The following ZRSR2 variants were observed in gnomAD, a reference collection of about 807,000 sequenced individuals.
The protein encoded by ZRSR2 is zinc finger CCCH-type, RNA binding motif and serine/arginine rich 2.
In ZRSR2, 3 loss-of-function variants were observed where a neutral mutation model predicts 39.4. The observed-to-expected ratio is 0.08, with a 90% CI of 0.03 to 0.20. ZRSR2 has a LOEUF of 0.20. ZRSR2 is among the 10% of genes least tolerant of loss of function. The probability of loss-of-function intolerance (pLI) is 1.00; values close to 1 mark genes in which losing one functional copy is unlikely to be tolerated. For missense variants in ZRSR2, 256 were observed against 391.5 expected (o/e 0.65, Z 2.92); for synonymous variants, 137 against 136.0 (o/e 1.01, Z -0.05).
At chrX:15,798,956 G>A (rs1241488405) in intron 2 of ZRSR2, among the ~76,000 whole-genome samples, 1 of 111,508 alleles carries the variant, frequency 9.0e-6, no homozygotes, top group Non-Finnish European at 1.9e-5. Flanking sequence ...GGGAGGCCGA[G>A]GCAGGCGGAT....
At chrX:15,811,362 G>A (rs1235796347) in intron 7 of ZRSR2, among the ~76,000 whole-genome samples, 1 of 111,307 alleles carries the variant, frequency 9.0e-6, no homozygotes, top group Non-Finnish European at 1.9e-5. Flanking sequence ...CCCTCATGTA[G>A]GATCTATCTC....
At chrX:15,794,602 C>G (rs989224101) in intron 2 of ZRSR2, among the ~76,000 whole-genome samples, 2 of 111,603 alleles carry the variant, frequency 1.8e-5, no homozygotes, top group African/African-American at 6.5e-5. Flanking sequence ...TTCTCCTTGT[C>G]TTAATGTTGA....
intron 9 of ZRSR2, among the ~76,000 whole-genome samples, chrX:15,819,898 A>G (rs980456045): frequency 1.8e-5 from 2 of 112,083 alleles, no homozygotes; most frequent in African/African-American, 6.5e-5. Context: ...CAGCAATCCT[A>G]TCTGAGAAAG....
At chrX:15,812,045 T>C (rs1260778417) in intron 7 of ZRSR2, among the ~76,000 whole-genome samples, 1 of 111,405 alleles carries the variant, frequency 9.0e-6, no homozygotes, top group African/African-American at 3.3e-5. Context: ...TTCTCCTGCC[T>C]CAGCCTCCCG....
At chrX:15,804,830 C>T (rs2147282971) in intron 5 of ZRSR2, among the ~76,000 whole-genome samples, 1 of 109,114 alleles carries the variant, frequency 9.2e-6, no homozygotes, top group African/African-American at 3.4e-5. Flanking sequence ...ACTTCCTCTT[C>T]CACTTAGGCT....
Position 15,815,677 on chromosome X carries a change from A to G in ZRSR2, c.558A>G (p.Arg186=). The G allele has an allele frequency of 8.4e-7, 1 of 1,194,041 alleles. No homozygotes were observed. The highest frequency in any genetic ancestry group is 1.1e-6 in the Non-Finnish European group (1 of 883,188). Residue 186 remains arginine, a splice_region_variant and synonymous_variant, in exon 8 of 11, where the codon AGA becomes AGG. Transcript: ENST00000307771. ...ATTTAAGCTTTTCTTTCATACGCAGATGTTCACGTAAACATAATTTCCCAA... is the reference window on the plus strand; with the variant it reads ...ATTTAAGCTTTTCTTTCATACGCAGGTGTTCACGTAAACATAATTTCCCAA... ...SKTGACRFGD[R]CSRKHNFPTS...
chrX:15,803,217 C>G (rs1311440141), intron 3 of ZRSR2, among the ~76,000 whole-genome samples: 1 of 110,626 alleles, frequency 9.0e-6, no homozygotes, highest in African/African-American at 3.3e-5. Flanking sequence ...GAGCCAAGAT[C>G]ATGCCACTGC....
chrX:15,812,055 G>T (rs905973513), intron 7 of ZRSR2, among the ~76,000 whole-genome samples: 2 of 110,692 alleles, frequency 1.8e-5, no homozygotes, highest in African/African-American at 6.6e-5. Context: ...TCAGCCTCCC[G>T]AGTAGCTGGG....
At chrX:15,816,368 GTTCT>G (rs1466061089) in intron 8 of ZRSR2, among the ~76,000 whole-genome samples, 1 of 111,778 alleles carries the variant, frequency 8.9e-6, no homozygotes, top group Non-Finnish European at 1.9e-5. Flanking sequence ...CAAGGTGTAT[GTTCT>G]TTCTTCTGGA....
intron 8 of ZRSR2, among the ~76,000 whole-genome samples, chrX:15,817,350 C>G (rs1485140919): frequency 9.0e-6 from 1 of 111,439 alleles, no homozygotes. Flanking sequence ...AGTATGGATC[C>G]TGCTCGTTTT....
chrX:15,809,557 C>T (rs1932849050), intron 7 of ZRSR2, among the ~76,000 whole-genome samples: 2 of 112,630 alleles, frequency 1.8e-5, no homozygotes, highest in African/African-American at 6.4e-5. Context: ...GCTTCCTTTG[C>T]ATTCTGCATC....
At chrX:15,790,716 A>G (rs1932243845) in intron 1 of ZRSR2, 180 bp downstream of exon 1, 1 of 683,715 alleles carries the variant, frequency 1.5e-6, no homozygotes, top group Non-Finnish European at 2.2e-6. Flanking sequence ...TGGCTCAGGC[A>G]AGCGAGGAGA....
chrX:15,815,526 C>T lies in ZRSR2; in HGVS notation c.558-151C>T, dbSNP rs181898969. The T allele has an allele frequency of 2.0e-5, 9 of 451,368 alleles. No homozygotes were observed. The African/African-American group carries it at 2.2e-4, about 11-fold the overall frequency. 37.2% of individuals were successfully genotyped at this position (451,368 alleles called of 1,213,427 possible). On this transcript the variant is annotated intron_variant, in intron 7 of 10. Transcript: ENST00000307771. ...TTCACCATGTTAGCCAGGCTGGTCT[C>T]GAACTCTGGACCTCAGGTGATTCAC...
At chrX:15,793,037 A>T (rs1041302620) in intron 2 of ZRSR2, among the ~76,000 whole-genome samples, 1 of 111,976 alleles carries the variant, frequency 8.9e-6, no homozygotes, top group African/African-American at 3.2e-5. Flanking sequence ...TTTCTGTCTT[A>T]TTAGTTGAAA....
At chrX:15,819,330 A>G (rs953425102) in intron 9 of ZRSR2, among the ~76,000 whole-genome samples, 3 of 109,735 alleles carry the variant, frequency 2.7e-5, no homozygotes, top group Admixed American at 9.7e-5. Flanking sequence ...AAAATTAGCC[A>G]GGCGTGGTGG....
chrX:15,794,783 T>C (rs1223459329), intron 2 of ZRSR2, among the ~76,000 whole-genome samples: 4 of 112,261 alleles, frequency 3.6e-5, no homozygotes, highest in Non-Finnish European at 7.5e-5. Flanking sequence ...TCTCTAAAAA[T>C]GTTTCTATAC....
chrX:15,808,624 CTTT>C (rs776535835), intron 6 of ZRSR2, among the ~76,000 whole-genome samples: 2 of 94,921 alleles, frequency 2.1e-5, no homozygotes, highest in Admixed American at 1.1e-4. Context: ...CTCTTTTTTT[CTTT>C]TTTTTTTTTT....
At chrX:15,814,362 C>T (rs968850918) in intron 7 of ZRSR2, among the ~76,000 whole-genome samples, 3 of 112,060 alleles carry the variant, frequency 2.7e-5, no homozygotes, top group African/African-American at 6.5e-5. Context: ...GGTATGGTAG[C>T]TCACACCTGT....
At chrX:15,801,537 T>C in intron 3 of ZRSR2, 1 of 178,173 alleles carries the variant, frequency 5.6e-6, no homozygotes, top group Non-Finnish European at 1.1e-5. Context: ...AGCCGAAATT[T>C]CTTAATGTCT....
Sources: allele counts gnomAD v4.1 joint callset (sites outside exome capture counted in the v4.1 genomes callset), GRCh38; gene constraint gnomAD v4.1.1; transcripts MANE v1.5; gene names NCBI Gene and HGNC (gene_info 2026-07-23, HGNC 2026-07-21).